The following RCOR1 variants were observed in gnomAD, a reference collection of about 807,000 sequenced individuals.
RCOR1 encodes the protein REST corepressor 1, also known as REST corepressor.
RCOR1 carries 12 observed loss-of-function variants against 64.0 expected under a neutral mutation model. The observed-to-expected ratio is 0.19, with a 90% CI of 0.12 to 0.30. RCOR1 has a LOEUF of 0.30. RCOR1 is among the 10% of genes least tolerant of loss of function. The probability of loss-of-function intolerance (pLI) is 1.00; values close to 1 mark genes in which losing one functional copy is unlikely to be tolerated. For missense variants in RCOR1, 502 were observed against 621.2 expected (o/e 0.81, Z 2.04); for synonymous variants, 279 against 227.2 (o/e 1.23, Z -2.05).
chr14:102,594,192 G>A (rs1202460889), intron 2 of RCOR1, among the ~76,000 whole-genome samples: 1 of 152,182 alleles, frequency 6.6e-6, no homozygotes, highest in Non-Finnish European at 1.5e-5. Flanking sequence ...GTATGAGACT[G>A]TCTTTAAAGG....
intron 2 of RCOR1, among the ~76,000 whole-genome samples, chr14:102,631,027 C>T (rs561631260): frequency 1.3e-5 from 2 of 152,100 alleles, no homozygotes; most frequent in Middle Eastern, 3.4e-3. Flanking sequence ...GGCAAACATT[C>T]CCAGAGGAAG....
chr14:102,672,214 A>C (rs1243332851), intron 2 of RCOR1, among the ~76,000 whole-genome samples: 2 of 151,742 alleles, frequency 1.3e-5, no homozygotes, highest in Non-Finnish European at 2.9e-5. Flanking sequence ...GTTATATGAT[A>C]ATTTTTTTTC....
intron 2 of RCOR1, among the ~76,000 whole-genome samples, chr14:102,631,154 G>A (rs1157239010): frequency 6.6e-6 from 1 of 151,920 alleles, no homozygotes; most frequent in Non-Finnish European, 1.5e-5. Flanking sequence ...ACTGTGAGAA[G>A]TGACTGCATG....
At position 102,722,174 on chromosome 14, in the gene RCOR1, C is replaced by T. The variant is rs778008213; in HGVS notation, c.1190-13C>T. ...TCTCTTGTATTTTAAAAAATGCTTT[C>T]TTACATCCTTAGCCATCAGGAAATA... On this transcript the variant is annotated splice_polypyrimidine_tract_variant and intron_variant, in intron 10 of 11. Coordinates refer to ENST00000262241, the MANE Select transcript of RCOR1 (RefSeq NM_015156.4). The T allele has an allele frequency of 2.0e-5, 32 of 1,603,190 alleles. No homozygotes were observed. In the Admixed American group the frequency reaches 4.2e-4, roughly 21 times the overall value.
intron 11 of RCOR1, among the ~76,000 whole-genome samples, chr14:102,724,235 T>G (rs1423624563): frequency 6.6e-6 from 1 of 152,214 alleles, no homozygotes; most frequent in Admixed American, 6.5e-5. Context: ...AGAATGGTAT[T>G]ATCTAACTCG....
At chr14:102,648,922 G>T (rs1485017955) in intron 2 of RCOR1, among the ~76,000 whole-genome samples, 1 of 152,134 alleles carries the variant, frequency 6.6e-6, no homozygotes, top group East Asian at 1.9e-4. Flanking sequence ...GTCCAGATTG[G>T]TGAGTGAAGA....
chr14:102,619,632 C>T (rs1260837334), intron 2 of RCOR1, among the ~76,000 whole-genome samples: 4 of 152,000 alleles, frequency 2.6e-5, no homozygotes, highest in African/African-American at 7.3e-5. Flanking sequence ...AGATGTGTGC[C>T]ACCATGCCTG....
At chr14:102,714,950 A>G (rs1413278528) in intron 8 of RCOR1, among the ~76,000 whole-genome samples, 1 of 152,146 alleles carries the variant, frequency 6.6e-6, no homozygotes, top group Admixed American at 6.5e-5. Flanking sequence ...AAAAAATGGA[A>G]TGTTGCCCCC....
chr14:102,655,113 T>C (rs1235719305), intron 2 of RCOR1: 105 of 133,750 alleles, frequency 7.9e-4, no homozygotes, highest in African/African-American at 5.0e-3. Context: ...GGACAACCTT[T>C]TTTTTTTTTT....
At chr14:102,654,110 C>T (rs537762466) in intron 2 of RCOR1, among the ~76,000 whole-genome samples, 8 of 151,236 alleles carry the variant, frequency 5.3e-5, no homozygotes, top group East Asian at 1.9e-4. Flanking sequence ...CTCAGCCTCC[C>T]GAGTAGCTGG....
chr14:102,713,234 G>A (rs1167542258), intron 7 of RCOR1, among the ~76,000 whole-genome samples: 1 of 149,832 alleles, frequency 6.7e-6, no homozygotes, highest in East Asian at 2.0e-4. Flanking sequence ...GATTACAGCC[G>A]TGAGCCACCA....
intron 2 of RCOR1, among the ~76,000 whole-genome samples, chr14:102,611,397 T>G (rs1185230831): frequency 6.6e-6 from 1 of 152,196 alleles, no homozygotes; most frequent in Non-Finnish European, 1.5e-5. Flanking sequence ...AATGCCCTTG[T>G]CTACTAATTC....
In RCOR1 at chr14:102,592,962, T is replaced by TCCG. The variant is rs770589339; in HGVS notation, c.88_90dup (p.Ala30dup). On this transcript the variant is annotated inframe_insertion, in exon 1 of 12. Coordinates refer to ENST00000262241, the MANE Select transcript of RCOR1 (RefSeq NM_015156.4). Reference sequence around the variant, plus strand: ...GAGGAACAACGCGGCCGCCTCCGCCTCCGCCGCCGCCGCCTCCGCCGCCGC... The same window carrying TCCG: ...GAGGAACAACGCGGCCGCCTCCGCCTCCGCCGCCGCCGCCGCCTCCGCCGCCGC... 9.8e-4 allele frequency: 1,146 copies of TCCG among 1,166,100 alleles called. 25 individuals carry two copies. In the South Asian group the frequency reaches 0.026, roughly 27 times the overall value. The allele number at this position is 1,166,100 out of a possible 1,614,324, so 72.2% of individuals were successfully genotyped here.
intron 2 of RCOR1, among the ~76,000 whole-genome samples, chr14:102,681,154 T>C (rs919413847): frequency 2.0e-4 from 31 of 152,168 alleles, no homozygotes; most frequent in Admixed American, 7.9e-4. Context: ...GTTGCATTTT[T>C]CCCCCTAGAG....
intron 7 of RCOR1, among the ~76,000 whole-genome samples, chr14:102,713,428 G>A (rs1184305585): frequency 2.0e-5 from 3 of 151,830 alleles, no homozygotes; most frequent in Admixed American, 6.6e-5. Flanking sequence ...GGCTACAGGC[G>A]CCCGCCACCG....
chr14:102,669,440 ATACT>A (rs1360490819), intron 2 of RCOR1, among the ~76,000 whole-genome samples: 1 of 152,230 alleles, frequency 6.6e-6, no homozygotes, highest in Non-Finnish European at 1.5e-5. Context: ...AAATGCTAAA[ATACT>A]TAATGTGGAT....
At chr14:102,602,275 C>T (rs56816799) in intron 2 of RCOR1, among the ~76,000 whole-genome samples, 1,876 of 152,118 alleles carry the variant, frequency 0.012, 40 homozygotes, top group African/African-American at 0.043. Flanking sequence ...TTTCCACTAG[C>T]AAGGTAAACA....
At chr14:102,653,637 G>T (rs1393745314) in intron 2 of RCOR1, among the ~76,000 whole-genome samples, 1 of 152,116 alleles carries the variant, frequency 6.6e-6, no homozygotes. Context: ...GATCATGGGG[G>T]TGGATATCCC....
At chr14:102,682,373 G>A (rs1397123192) in intron 3 of RCOR1, among the ~76,000 whole-genome samples, 9 of 152,114 alleles carry the variant, frequency 5.9e-5, no homozygotes, top group East Asian at 1.9e-4. Flanking sequence ...CAGGTGATCC[G>A]CCTGCCATGG....
Sources: gnomAD v4.1 joint callset for allele counts (sites outside exome capture counted in the v4.1 genomes callset) on GRCh38, gnomAD v4.1.1 for gene constraint, MANE v1.5 for transcripts, NCBI Gene and HGNC (gene_info 2026-07-23, HGNC 2026-07-21) for gene names.